Variants in TSPEAR observed in about 807,000 individuals in gnomAD.
The protein encoded by TSPEAR is thrombospondin type laminin G domain and EAR repeats, also known as thrombospondin-type laminin G domain and EAR repeat-containing protein.
A neutral mutation model predicts 71.6 loss-of-function variants in TSPEAR; 69 were observed. That is an observed-to-expected ratio of 0.96 (90% confidence interval 0.79 to 1.18). The LOEUF is 1.18. TSPEAR is among the 50% of genes most tolerant of loss of function. TSPEAR has a pLI of 0.00. For synonymous variants in TSPEAR, 402 were observed against 387.2 expected (o/e 1.04, Z -0.45); for missense variants, 971 against 894.9 (o/e 1.09, Z -1.09).
intron 1 of TSPEAR, among the ~76,000 whole-genome samples, chr21:44,674,883 A>G (rs1231533811): frequency 1.3e-5 from 2 of 152,094 alleles, no homozygotes; most frequent in African/African-American, 4.8e-5. Flanking sequence ...ATTAAAAAAA[A>G]AAAGAAAACC....
At chr21:44,518,444 A>AGATC (rs1158281752) in intron 9 of TSPEAR, 2 of 386,074 alleles carry the variant, frequency 5.2e-6, no homozygotes, top group African/African-American at 4.2e-5. Context: ...CGGTGTTGGT[A>AGATC]GATCTAGGAT....
intron 1 of TSPEAR, among the ~76,000 whole-genome samples, chr21:44,596,885 T>C (rs1460238350): frequency 6.6e-6 from 1 of 152,262 alleles, no homozygotes; most frequent in Admixed American, 6.5e-5. Context: ...TTAAGCAAAT[T>C]AGCCCTTTCT....
intron 1 of TSPEAR, chr21:44,592,564 T>A: frequency 6.5e-7 from 1 of 1,539,408 alleles, no homozygotes; most frequent in East Asian, 2.3e-5. Context: ...CACCTGGCCT[T>A]GTTGTCCCCG....
chr21:44,521,929 A>AGGTGC lies in TSPEAR; in HGVS notation c.1515_1519dup (p.Leu507ArgfsTer64), dbSNP rs782101228. The AGGTGC allele has an allele frequency of 1.9e-6, 3 of 1,614,016 alleles. No homozygotes were observed. The highest frequency in any genetic ancestry group is 2.5e-6 in the Non-Finnish European group (3 of 1,179,978). ...GAAGGAGCCCAGGAGTCGGATGTAG[A>AGGTGC]GGTGCGAGTGCACCTTGGTGGAGGT... On this transcript the variant is annotated frameshift_variant, in exon 9 of 12. Coordinates refer to ENST00000323084, the MANE Select transcript of TSPEAR (RefSeq NM_144991.3). LOFTEE classifies it high-confidence loss of function.
At position 44,695,601 on chromosome 21, in the gene TSPEAR, G is replaced by T. The variant is rs1295274422; in HGVS notation, c.82+15832C>A. ...GTGGGCCAGTTTATTCAGCTTAGGA[G>T]AAATGATTGTTAAATATTCAGAATC... On this transcript the variant is annotated intron_variant, in intron 1 of 11. Transcript: ENST00000323084. The surrounding 1 kb of genome is among the most constrained non-coding windows in gnomAD (Gnocchi z 4.5). Among the ~76,000 whole-genome samples the T allele has an allele frequency of 6.6e-6, 1 of 152,176 alleles. No homozygotes were observed. Among genetic ancestry groups the T allele is most frequent in the African/African-American group, 2.4e-5 (1 of 41,424 alleles).
At chr21:44,707,443 C>A (rs1347428478) in intron 1 of TSPEAR, among the ~76,000 whole-genome samples, 1 of 152,194 alleles carries the variant, frequency 6.6e-6, no homozygotes, top group Admixed American at 6.5e-5. Flanking sequence ...CCAGACCCGT[C>A]GGGGCCCTCG....
intron 1 of TSPEAR, among the ~76,000 whole-genome samples, chr21:44,577,322 G>A (rs183575651): frequency 1.7e-4 from 26 of 152,362 alleles, no homozygotes; most frequent in Non-Finnish European, 2.8e-4. Context: ...CTGCTGTAAA[G>A]GAATACCCGA....
intron 9 of TSPEAR, among the ~76,000 whole-genome samples, chr21:44,513,608 C>T (rs1035011211): frequency 3.3e-5 from 5 of 152,320 alleles, no homozygotes; most frequent in African/African-American, 9.6e-5. Context: ...ATGGTGCTTC[C>T]GGGACTTGGC....
At chr21:44,579,496 GCTGA>G in intron 1 of TSPEAR, 4 of 574,418 alleles carry the variant, frequency 7.0e-6, no homozygotes, top group Admixed American at 3.0e-5. Context: ...AGGAGGAGGT[GCTGA>G]CAGGTTCAAG....
rs1170225211 is a variant in TSPEAR at position 44,687,428 on chromosome 21, G to A, written c.82+24005C>T. 1.3e-5 allele frequency among the ~76,000 whole-genome samples: 2 copies of A among 152,182 alleles called. No individual in the cohort carries two copies. Among genetic ancestry groups the A allele is most frequent in the South Asian group, 2.1e-4 (1 of 4,822 alleles). On this transcript the variant is annotated intron_variant, in intron 1 of 11. Coordinates refer to ENST00000323084, the MANE Select transcript of TSPEAR (RefSeq NM_144991.3). The surrounding 1 kb of genome is among the most constrained non-coding windows in gnomAD (Gnocchi z 4.4). ...ATGGATAAACACAGCGTGACAGAGC[G>A]GTACAGCGGAATCCACACCAGCACT...
intron 1 of TSPEAR, among the ~76,000 whole-genome samples, chr21:44,587,277 A>G (rs1382563780): frequency 3.3e-5 from 5 of 152,224 alleles, no homozygotes; most frequent in East Asian, 1.9e-4. Context: ...CAAGAACTCA[A>G]TCCCTTTTAC....
At chr21:44,541,506 C>T (rs2053222597) in intron 2 of TSPEAR, among the ~76,000 whole-genome samples, 1 of 152,166 alleles carries the variant, frequency 6.6e-6, no homozygotes, top group African/African-American at 2.4e-5. Context: ...AGTGAATCCG[C>T]ATTAGAGAGA....
chr21:44,666,247 C>T (rs782755190), intron 1 of TSPEAR: 181 of 638,994 alleles, frequency 2.8e-4, no homozygotes, highest in Non-Finnish European at 4.4e-4. Flanking sequence ...CTCTGGGACC[C>T]CAGACTTCCC....
In TSPEAR at chr21:44,590,253, C is replaced by T. The variant is rs587630716; in HGVS notation, c.83-22248G>A. 3.3e-5 allele frequency among the ~76,000 whole-genome samples: 5 copies of T among 152,356 alleles called. No individual in the cohort carries two copies. The South Asian group carries it at 6.2e-4, about 19-fold the overall frequency. On this transcript the variant is annotated intron_variant, in intron 1 of 11. Transcript: ENST00000323084. The stretch of plus-strand genomic sequence containing the variant: ...CAGCGACCTGGCAGAAAGAGTGCAG[C>T]GGCTCGTACCACTCGCCCAACGCGG...
intron 1 of TSPEAR, among the ~76,000 whole-genome samples, chr21:44,616,907 C>T (rs587768935): frequency 6.6e-6 from 1 of 152,372 alleles, no homozygotes; most frequent in East Asian, 1.9e-4. Flanking sequence ...GAATTCAACA[C>T]AGCCCCAAGG....
In TSPEAR at chr21:44,600,788, T is replaced by G. The variant is rs1488003013; in HGVS notation, c.83-32783A>C. ...GCCCCGGCCCCCTGCCTGAGCCTGG[T>G]CTGCACCCCAGTGAGCTATGTGTCC... On this transcript the variant is annotated intron_variant, in intron 1 of 11. Transcript: ENST00000323084. 92 of 1,597,396 alleles carry G rather than the reference T, an allele frequency of 5.8e-5. 7 individuals carry two copies. The highest frequency in any genetic ancestry group is 7.1e-5 in the Non-Finnish European group (83 of 1,175,840).
chr21:44,669,878 T>C (rs1488616086), intron 1 of TSPEAR, among the ~76,000 whole-genome samples: 5 of 152,150 alleles, frequency 3.3e-5, no homozygotes, highest in African/African-American at 1.2e-4. Context: ...TAGCAGACTC[T>C]TGGGAACAAC....
intron 1 of TSPEAR, among the ~76,000 whole-genome samples, chr21:44,707,035 C>T (rs1987959828): frequency 6.6e-6 from 1 of 152,250 alleles, no homozygotes; most frequent in Admixed American, 6.5e-5. Context: ...GCGGAATTGG[C>T]GCCGGCATCA....
intron 1 of TSPEAR, among the ~76,000 whole-genome samples, chr21:44,659,791 A>T (rs1985390526): frequency 6.6e-6 from 1 of 152,224 alleles, no homozygotes; most frequent in South Asian, 2.1e-4. Context: ...ATCTCTAAAA[A>T]CAGAAAGTAG....
Sources: allele counts gnomAD v4.1 joint callset (sites outside exome capture counted in the v4.1 genomes callset), GRCh38; gene constraint gnomAD v4.1.1; non-coding constraint Gnocchi (gnomAD v3.1); transcripts MANE v1.5; gene names NCBI Gene and HGNC (gene_info 2026-07-23, HGNC 2026-07-21).